MACROD2: variants seen among roughly 807,000 people sequenced by gnomAD.
MACROD2 encodes the protein ADP-ribose glycohydrolase MACROD2.
A neutral mutation model predicts 70.4 loss-of-function variants in MACROD2; 36 were observed. The observed-to-expected ratio is 0.51, with a 90% confidence interval of 0.39 to 0.68. The LOEUF (loss-of-function observed/expected upper bound fraction) is 0.68, where lower values mean the gene tolerates loss of function less well. Ranked by LOEUF, MACROD2 falls within the 30% of genes least tolerant of loss-of-function variation. MACROD2 has a pLI of 0.00. For missense variants in MACROD2, 496 were observed against 538.4 expected (o/e 0.92, Z 0.78); for synonymous variants, 172 against 178.8 (o/e 0.96, Z 0.30).
intron 8 of MACROD2, among the ~76,000 whole-genome samples, chr20:15,520,371 G>A (rs1600526996): frequency 1.3e-5 from 2 of 152,180 alleles, no homozygotes; most frequent in East Asian, 3.9e-4. Flanking sequence ...CCAACATGGT[G>A]GAACCACACT....
intron 5 of MACROD2, among the ~76,000 whole-genome samples, chr20:14,863,100 G>A (rs1328847457): frequency 2.0e-5 from 3 of 151,912 alleles, no homozygotes; most frequent in African/African-American, 7.3e-5. Flanking sequence ...GATCAGTAAA[G>A]CAGAAGCAAA....
chr20:15,376,067 A>G (rs971699094), intron 6 of MACROD2, among the ~76,000 whole-genome samples: 1 of 152,158 alleles, frequency 6.6e-6, no homozygotes, highest in Non-Finnish European at 1.5e-5. Context: ...CAAATGATTC[A>G]GGCATATCTA....
intron 3 of MACROD2, among the ~76,000 whole-genome samples, chr20:14,147,776 G>C (rs1195317468): frequency 1.3e-5 from 2 of 152,106 alleles, no homozygotes; most frequent in Non-Finnish European, 2.9e-5. Flanking sequence ...TGGATCTTCA[G>C]ATCATTTGAA....
At chr20:14,774,867 C>T (rs1034172804) in intron 5 of MACROD2, among the ~76,000 whole-genome samples, 3 of 152,058 alleles carry the variant, frequency 2.0e-5, no homozygotes, top group African/African-American at 7.2e-5. Flanking sequence ...ACCAATTTTG[C>T]TGCTTTATTT....
intron 5 of MACROD2, among the ~76,000 whole-genome samples, chr20:14,889,257 A>G (rs913785): frequency 0.91 from 138,109 of 152,144 alleles, 62,871 homozygotes; most frequent in East Asian, 1. Context: ...GGCACTGAGG[A>G]TATATCGGTA....
chr20:15,260,558 T>C (rs1222712773), intron 6 of MACROD2, among the ~76,000 whole-genome samples: 3 of 151,970 alleles, frequency 2.0e-5, no homozygotes, highest in Non-Finnish European at 2.9e-5. Context: ...TTGCATATCA[T>C]GGCTGCAGTA....
chr20:14,600,327 C>CATATATATATATATATATATATATATAT lies in MACROD2; in HGVS notation c.302-84499_302-84498insTATATATATATATATATATATATATATA, dbSNP rs769273379. ...GTAAAAAGTATGTAATATGCAGCTA[C>CATATATATATATATATATATATATATAT]ATATATATATATATATACACACACA... On this transcript the variant is annotated intron_variant, in intron 4 of 17. Transcript: ENST00000684519. Among the ~76,000 whole-genome samples, 293 of 127,134 alleles carry CATATATATATATATATATATATATATAT rather than the reference C, an allele frequency of 2.3e-3. 1 individual carries two copies. Among genetic ancestry groups the CATATATATATATATATATATATATATAT allele is most frequent in the East Asian group, 5.5e-3 (20 of 3,628 alleles). The allele number at this position is 127,134 out of a possible 152,430, so 83.4% of individuals were successfully genotyped here.
intron 5 of MACROD2, among the ~76,000 whole-genome samples, chr20:14,823,301 C>T (rs986097685): frequency 1.6e-4 from 25 of 151,996 alleles, no homozygotes; most frequent in Non-Finnish European, 3.7e-4. Context: ...TTCTTTTCTT[C>T]ATGTATAGCA....
At chr20:15,501,920 C>T (rs147511385) in intron 8 of MACROD2, among the ~76,000 whole-genome samples, 63 of 152,244 alleles carry the variant, frequency 4.1e-4, no homozygotes, top group African/African-American at 1.5e-3. Context: ...GTTTTCTCTT[C>T]ATTGCAGTAT....
rs572593271 is a variant in MACROD2, at chr20:14,933,482, C to G, written c.418+248523C>G. On this transcript the variant is annotated intron_variant, in intron 5 of 17. Coordinates refer to ENST00000684519, the MANE Select transcript of MACROD2 (RefSeq NM_001351661.2). ...ATCACTTGAGTCCAAGAGTTTGAGACCAGCCTGGGCAACATAGAGAGAACT... is the reference window on the plus strand; with the variant it reads ...ATCACTTGAGTCCAAGAGTTTGAGAGCAGCCTGGGCAACATAGAGAGAACT... 5.3e-5 allele frequency among the ~76,000 whole-genome samples: 8 copies of G among 152,012 alleles called. No individual in the cohort carries two copies. The East Asian group carries it at 1.4e-3, about 26-fold the overall frequency.
At chr20:14,230,629 GTT>G (rs1569217251) in intron 3 of MACROD2, among the ~76,000 whole-genome samples, 1 of 6,976 alleles carries the variant, frequency 1.4e-4, no homozygotes, top group Non-Finnish European at 3.0e-4. Context: ...TCTCATTCAT[GTT>G]TATATATATA....
At chr20:14,939,423 C>T (rs1391141203) in intron 5 of MACROD2, among the ~76,000 whole-genome samples, 1 of 151,848 alleles carries the variant, frequency 6.6e-6, no homozygotes, top group East Asian at 1.9e-4. Context: ...CATATCTGGG[C>T]TTTCTATTCT....
Position 14,270,367 on chromosome 20 carries a change from G to A in MACROD2, c.271+184639G>A, listed in dbSNP as rs948919738. On this transcript the variant is annotated intron_variant, in intron 3 of 17. Transcript: ENST00000684519. ...AGCATTTTGGGAGGCTGAGGTGGGC[G>A]GATCACGAGGTCAGGACATTGAGAT... is the stretch of plus-strand genomic sequence containing the variant. Among the ~76,000 whole-genome samples the A allele has an allele frequency of 3.3e-5, 5 of 152,186 alleles. No individual in the cohort carries two copies. In the East Asian group the frequency reaches 7.8e-4, roughly 24 times the overall value.
At chr20:14,130,844 G>A (rs899289377) in intron 3 of MACROD2, among the ~76,000 whole-genome samples, 3 of 151,638 alleles carry the variant, frequency 2.0e-5, no homozygotes, top group African/African-American at 7.3e-5. Context: ...TCCTAATGAT[G>A]AATTCCATTT....
intron 7 of MACROD2, among the ~76,000 whole-genome samples, chr20:15,442,548 T>C (rs1568811217): frequency 6.6e-6 from 1 of 152,044 alleles, no homozygotes; most frequent in Non-Finnish European, 1.5e-5. Flanking sequence ...TGTCTAATGG[T>C]CCCTCTACTC....
intron 6 of MACROD2, among the ~76,000 whole-genome samples, chr20:15,408,815 A>G (rs1484973639): frequency 6.6e-6 from 1 of 152,242 alleles, no homozygotes; most frequent in Non-Finnish European, 1.5e-5. Flanking sequence ...TGTCTGGCAA[A>G]GGAAATCTGG....
chr20:15,383,860 A>C (rs2045676433), intron 6 of MACROD2, among the ~76,000 whole-genome samples: 1 of 152,094 alleles, frequency 6.6e-6, no homozygotes, highest in Non-Finnish European at 1.5e-5. Context: ...CATTCCCTTT[A>C]GTGTATTTTT....
chr20:15,628,840 G>T (rs188804133), intron 8 of MACROD2, among the ~76,000 whole-genome samples: 1 of 152,282 alleles, frequency 6.6e-6, no homozygotes, highest in East Asian at 1.9e-4. Flanking sequence ...GATTATTTTT[G>T]CCTGTTTTGG....
intron 5 of MACROD2, chr20:14,893,229 G>C (rs1049046661): frequency 2.6e-5 from 4 of 151,976 alleles, no homozygotes; most frequent in African/African-American, 9.7e-5. Flanking sequence ...TCCACCCCTT[G>C]GTTCTTGTGA....
Sources: allele counts gnomAD v4.1 joint callset (sites outside exome capture counted in the v4.1 genomes callset), GRCh38; gene constraint gnomAD v4.1.1; transcripts MANE v1.5; gene names NCBI Gene and HGNC (gene_info 2026-07-23, HGNC 2026-07-21).